RELN: variants seen among roughly 807,000 people sequenced by gnomAD.
RELN encodes reelin.
Under a neutral mutation model 427.6 loss-of-function variants are expected in RELN, and 108 were observed. The ratio of observed to expected loss-of-function variants is 0.25; its 90% confidence interval spans 0.22 to 0.30. RELN has a LOEUF of 0.30. Among genes scored for constraint, RELN ranks in the 10% least tolerant of loss-of-function variants. RELN has a pLI of 1.00. For missense variants in RELN, 3,715 were observed against 4,302.8 expected (o/e 0.86, Z 3.82); for synonymous variants, 1,524 against 1,513.4 (o/e 1.01, Z -0.16).
At chr7:103,913,514 A>G (rs1006161694) in intron 2 of RELN, among the ~76,000 whole-genome samples, 3 of 152,170 alleles carry the variant, frequency 2.0e-5, no homozygotes, top group African/African-American at 7.2e-5. Flanking sequence ...AAAAAGTGCC[A>G]CATTACTTTA....
intron 16 of RELN, among the ~76,000 whole-genome samples, chr7:103,645,773 G>C (rs963216324): frequency 1.3e-5 from 2 of 151,604 alleles, no homozygotes; most frequent in Non-Finnish European, 3.0e-5. Context: ...TGGACTTTAG[G>C]ACAAATGAAC....
intron 1 of RELN, among the ~76,000 whole-genome samples, chr7:103,932,172 A>G (rs553327283): frequency 6.6e-6 from 1 of 152,338 alleles, no homozygotes; most frequent in African/African-American, 2.4e-5. Context: ...TAAAGAAAAT[A>G]TGGTACATAC....
chr7:103,905,212 G>A (rs1021097435), intron 2 of RELN, among the ~76,000 whole-genome samples: 3 of 151,668 alleles, frequency 2.0e-5, no homozygotes, highest in Non-Finnish European at 2.9e-5. Context: ...AACTCCTGAC[G>A]AGTGTTCCAC....
intron 11 of RELN, among the ~76,000 whole-genome samples, chr7:103,672,190 T>A (rs1175145327): frequency 6.6e-6 from 1 of 152,214 alleles, no homozygotes; most frequent in Non-Finnish European, 1.5e-5. Flanking sequence ...TGTTGCTCTA[T>A]ATGCAAATTT....
At chr7:103,803,181 C>A (rs1021477287) in intron 3 of RELN, among the ~76,000 whole-genome samples, 1 of 152,064 alleles carries the variant, frequency 6.6e-6, no homozygotes, top group Admixed American at 6.6e-5. Flanking sequence ...AATACTCCAC[C>A]TTTACTCCTA....
intron 1 of RELN, among the ~76,000 whole-genome samples, chr7:103,958,147 A>C (rs1168108517): frequency 6.6e-6 from 1 of 152,234 alleles, no homozygotes; most frequent in Non-Finnish European, 1.5e-5. Context: ...TGAAGTACCC[A>C]GAAGTGCCTA....
intron 1 of RELN, among the ~76,000 whole-genome samples, chr7:103,987,005 A>G (rs1325577090): frequency 1.3e-5 from 2 of 151,298 alleles, no homozygotes; most frequent in Admixed American, 1.3e-4. Flanking sequence ...TCAAAAGCCT[A>G]AAAGGAAAAG....
At chr7:103,793,872 T>C (rs1455398036) in intron 3 of RELN, among the ~76,000 whole-genome samples, 4 of 152,154 alleles carry the variant, frequency 2.6e-5, no homozygotes, top group African/African-American at 9.7e-5. Context: ...GTACAAGTCA[T>C]TCTCGTGCCT....
Position 103,500,850 on chromosome 7 carries a change from A to G in RELN, c.8562T>C (p.Pro2854=). ...QWAIDNFYLG[P]GCLDNCRGHG... is the part of the protein sequence containing the mutation. ...GGCCCCTGCAGTTGTCCAAGCATCC[A>G]GGGCCCAGGTAGAAATTATCGATTG... The change falls in exon 53 of 65, where the codon CCT becomes CCC. Residue 2854 remains proline, a synonymous_variant. Transcript: ENST00000428762. 2 of 1,612,288 alleles carry G rather than the reference A, an allele frequency of 1.2e-6. No individual in the cohort carries two copies. The highest frequency in any genetic ancestry group is 1.7e-6 in the Non-Finnish European group (2 of 1,178,376).
intron 56 of RELN, among the ~76,000 whole-genome samples, chr7:103,496,165 GTCTAGGTAACCTAGCACCGAAA>G (rs1245854045): frequency 1.4e-5 from 2 of 146,044 alleles, no homozygotes; most frequent in South Asian, 2.3e-4. Flanking sequence ...GTAATTGCTA[GTCTAGGTAACCTAGCACCGAAA>G]AGTTCTTGAT....
intron 46 of RELN, 68 bp downstream of exon 46, chr7:103,535,248 C>G (rs1830022971): frequency 1.4e-6 from 2 of 1,471,838 alleles, no homozygotes; most frequent in African/African-American, 2.8e-5. Flanking sequence ...ACTTGACATG[C>G]CAAATGTTAT....
intron 2 of RELN, among the ~76,000 whole-genome samples, chr7:103,853,181 A>C (rs1793865230): frequency 6.6e-6 from 1 of 152,102 alleles, no homozygotes; most frequent in Non-Finnish European, 1.5e-5. Flanking sequence ...AATTGCTATA[A>C]TCTATTAACT....
intron 28 of RELN, among the ~76,000 whole-genome samples, chr7:103,588,837 C>T (rs1831340628): frequency 6.6e-6 from 1 of 152,186 alleles, no homozygotes; most frequent in Non-Finnish European, 1.5e-5. Context: ...ATTATCCCGT[C>T]ACAGGACTTC....
intron 2 of RELN, among the ~76,000 whole-genome samples, chr7:103,905,646 A>T (rs1027902359): frequency 3.9e-5 from 6 of 152,148 alleles, no homozygotes; most frequent in Non-Finnish European, 7.3e-5. Context: ...TCATTCAGTA[A>T]ATATTTATTG....
At chr7:103,819,915 T>C (rs2116367885) in intron 3 of RELN, among the ~76,000 whole-genome samples, 1 of 152,092 alleles carries the variant, frequency 6.6e-6, no homozygotes, top group South Asian at 2.1e-4. Flanking sequence ...TCCAGAAATA[T>C]TGCTTTAATT....
At chr7:103,727,443 C>T (rs1270703016) in intron 7 of RELN, among the ~76,000 whole-genome samples, 3 of 152,016 alleles carry the variant, frequency 2.0e-5, no homozygotes. Context: ...GAAATAGTTA[C>T]CAAATTAACA....
chr7:103,917,287 A>G, intron 1 of RELN, 102 bp from the exon 2 acceptor site: 2 of 924,878 alleles, frequency 2.2e-6, no homozygotes, highest in Non-Finnish European at 3.5e-6. Context: ...ACTCATTAAC[A>G]AATTATTTTT....
chr7:103,866,317 T>C (rs1794196298), intron 2 of RELN, among the ~76,000 whole-genome samples: 1 of 151,984 alleles, frequency 6.6e-6, no homozygotes, highest in Admixed American at 6.6e-5. Flanking sequence ...GAGAAAAACA[T>C]ATCAAAACAG....
Position 103,804,001 on chromosome 7 carries a change from C to G in RELN, c.474-27374G>C, listed in dbSNP as rs140477069. Among the ~76,000 whole-genome samples the G allele has an allele frequency of 1.2e-3, 179 of 152,158 alleles. 3 individuals carry two copies. Among genetic ancestry groups the G allele is most frequent in the African/African-American group, 4.1e-3 (171 of 41,536 alleles). On this transcript the variant is annotated intron_variant, in intron 3 of 64. Transcript: ENST00000428762. ...TTCTGTGTTTAAGATCTTCAAATGA[C>G]GTGTCATTGGAAAGAAAATCTCCAT...
Sources: allele counts gnomAD v4.1 joint callset (sites outside exome capture counted in the v4.1 genomes callset), GRCh38; gene constraint gnomAD v4.1.1; transcripts MANE v1.5; gene names NCBI Gene and HGNC (gene_info 2026-07-23, HGNC 2026-07-21).